The following KLHL1 variants were observed in gnomAD, a reference collection of about 807,000 sequenced individuals.
The protein encoded by KLHL1 is kelch-like protein 1.
In KLHL1, 47 loss-of-function variants were observed where a neutral mutation model predicts 77.7. The observed-to-expected ratio is 0.60, with a 90% confidence interval of 0.48 to 0.77. The LOEUF is 0.77. Among genes scored for constraint, KLHL1 ranks in the 30% least tolerant of loss-of-function variants. The probability of loss-of-function intolerance (pLI) is 0.00; values close to 1 mark genes in which losing one functional copy is unlikely to be tolerated. For missense variants in KLHL1, 925 were observed against 910.8 expected (o/e 1.02, Z -0.20); for synonymous variants, 360 against 325.2 (o/e 1.11, Z -1.15).
intron 3 of KLHL1, among the ~76,000 whole-genome samples, chr13:69,949,841 T>C (rs79053048): frequency 0.01 from 1,562 of 151,936 alleles, 26 homozygotes; most frequent in African/African-American, 0.035. Context: ...CAATGACATT[T>C]AAATTTTACT....
chr13:69,755,723 T>A (rs1231032589), intron 7 of KLHL1, among the ~76,000 whole-genome samples: 11 of 148,330 alleles, frequency 7.4e-5, no homozygotes, highest in Admixed American at 1.3e-4. Context: ...CAAGATTATC[T>A]TGCCTCAGTC....
chr13:69,790,463 T>C (rs1281529027), intron 7 of KLHL1, among the ~76,000 whole-genome samples: 2 of 152,202 alleles, frequency 1.3e-5, no homozygotes, highest in African/African-American at 2.4e-5. Flanking sequence ...CAATATTACC[T>C]TGATACCTAA....
At chr13:70,103,875 G>A (rs1257858746) in intron 1 of KLHL1, among the ~76,000 whole-genome samples, 1 of 152,038 alleles carries the variant, frequency 6.6e-6, no homozygotes, top group African/African-American at 2.4e-5. Context: ...GAAGAGAGGT[G>A]GCTATGTAAG....
At chr13:69,906,757 A>C (rs1882059062) in intron 4 of KLHL1, among the ~76,000 whole-genome samples, 1 of 151,982 alleles carries the variant, frequency 6.6e-6, no homozygotes, top group African/African-American at 2.4e-5. Flanking sequence ...CTTATAATAA[A>C]AATTCATTTG....
chr13:69,730,273 G>A (rs1412013167), intron 8 of KLHL1, among the ~76,000 whole-genome samples: 1 of 128,556 alleles, frequency 7.8e-6, no homozygotes, highest in Non-Finnish European at 1.6e-5. Flanking sequence ...TTTAATGTGT[G>A]TGTGTGTGTG....
At chr13:69,973,399 A>G (rs1884451562) in intron 2 of KLHL1, among the ~76,000 whole-genome samples, 1 of 151,754 alleles carries the variant, frequency 6.6e-6, no homozygotes, top group African/African-American at 2.4e-5. Flanking sequence ...AGCAAGTGCT[A>G]ATAATGTTAG....
chr13:69,836,568 C>A (rs1490564742), intron 6 of KLHL1, among the ~76,000 whole-genome samples: 4 of 152,032 alleles, frequency 2.6e-5, no homozygotes, highest in Admixed American at 2.0e-4. Flanking sequence ...CTCTTTGTCT[C>A]AAATCATCCA....
At chr13:69,763,158 A>G (rs1326298546) in intron 7 of KLHL1, among the ~76,000 whole-genome samples, 2 of 152,148 alleles carry the variant, frequency 1.3e-5, no homozygotes, top group East Asian at 3.9e-4. Flanking sequence ...TGCACAACAG[A>G]CTTCATTAAA....
At chr13:69,925,496 T>C (rs1339236710) in intron 4 of KLHL1, among the ~76,000 whole-genome samples, 1 of 152,208 alleles carries the variant, frequency 6.6e-6, no homozygotes, top group Admixed American at 6.5e-5. Context: ...GCAGCTCTTA[T>C]AAATAAGACA....
At chr13:69,760,378 G>A (rs188035915) in intron 7 of KLHL1, among the ~76,000 whole-genome samples, 155 of 144,754 alleles carry the variant, frequency 1.1e-3, no homozygotes, top group Non-Finnish European at 2.2e-3. Context: ...ATTTTGAGAC[G>A]GAATTTCACT....
At chr13:69,711,454 T>A (rs1332822546) in intron 9 of KLHL1, among the ~76,000 whole-genome samples, 1 of 152,088 alleles carries the variant, frequency 6.6e-6, no homozygotes, top group Non-Finnish European at 1.5e-5. Flanking sequence ...AGAAATTAGA[T>A]GTGAATTGAG....
At chr13:70,003,490 C>CAG (rs1885343291) in intron 1 of KLHL1, among the ~76,000 whole-genome samples, 1 of 151,466 alleles carries the variant, frequency 6.6e-6, no homozygotes, top group Admixed American at 6.6e-5. Flanking sequence ...GAGATCAAAC[C>CAG]AGAGAGAGAG....
chr13:69,997,252 C>A (rs1030990587), intron 1 of KLHL1, among the ~76,000 whole-genome samples: 4 of 150,564 alleles, frequency 2.7e-5, no homozygotes, highest in Admixed American at 1.3e-4. Context: ...AAAATTAATT[C>A]TTATTTTATT....
intron 1 of KLHL1, among the ~76,000 whole-genome samples, chr13:70,019,091 A>G (rs1477628479): frequency 6.6e-6 from 1 of 152,214 alleles, no homozygotes; most frequent in African/African-American, 2.4e-5. Flanking sequence ...AGTCCAAGAA[A>G]TGATGATACT....
chr13:69,957,989 T>C (rs1388982817), intron 3 of KLHL1, among the ~76,000 whole-genome samples: 1 of 151,806 alleles, frequency 6.6e-6, no homozygotes, highest in Non-Finnish European at 1.5e-5. Context: ...TTATTTTAAG[T>C]AAAGAAACTA....
chr13:70,027,242 T>C (rs535256640), intron 1 of KLHL1, among the ~76,000 whole-genome samples: 1 of 152,268 alleles, frequency 6.6e-6, no homozygotes, highest in East Asian at 1.9e-4. Context: ...TTTACAAACA[T>C]TATATTCCTG....
intron 7 of KLHL1, among the ~76,000 whole-genome samples, chr13:69,785,926 C>T (rs866345189): frequency 6.6e-5 from 10 of 152,066 alleles, no homozygotes; most frequent in Non-Finnish European, 1.2e-4. Flanking sequence ...ATAAATTCCT[C>T]GACACATACA....
Position 69,903,394 on chromosome 13 carries a change from A to G in KLHL1, c.1015-20899T>C, listed in dbSNP as rs560625569. Among the ~76,000 whole-genome samples the G allele has an allele frequency of 2.0e-5, 3 of 152,026 alleles. No individual in the cohort carries two copies. In the East Asian group the frequency reaches 5.8e-4, roughly 29 times the overall value. ...AGCGCATCTGCCCCAGCCAATCAGA[A>G]CTCAGCTGTGGTGGCCAGTCAGCAC... On this transcript the variant is annotated intron_variant, in intron 4 of 10. Transcript: ENST00000377844.
At chr13:70,098,657 G>A (rs1887848120) in intron 1 of KLHL1, among the ~76,000 whole-genome samples, 2 of 151,862 alleles carry the variant, frequency 1.3e-5, no homozygotes, top group Admixed American at 6.6e-5. Context: ...TTCCAGAGAT[G>A]CCCTTTTAAA....
Sources: gnomAD v4.1 joint callset for allele counts (sites outside exome capture counted in the v4.1 genomes callset) on GRCh38, gnomAD v4.1.1 for gene constraint, MANE v1.5 for transcripts, NCBI Gene and HGNC (gene_info 2026-07-23, HGNC 2026-07-21) for gene names.